TNFAIP8L3: variants seen among roughly 807,000 people sequenced by gnomAD.
TNFAIP8L3 encodes TNF alpha induced protein 8 like 3, also known as tumor necrosis factor alpha-induced protein 8-like protein 3.
A neutral mutation model predicts 11.8 loss-of-function variants in TNFAIP8L3; 7 were observed. The ratio of observed to expected loss-of-function variants is 0.59; its 90% confidence interval spans 0.34 to 1.11. The LOEUF is 1.11. Among genes scored for constraint, TNFAIP8L3 ranks in the 50% most tolerant of loss-of-function variants. TNFAIP8L3 has a pLI of 0.03. For missense variants in TNFAIP8L3, 219 were observed against 258.6 expected (o/e 0.85, Z 1.05); for synonymous variants, 98 against 103.8 (o/e 0.94, Z 0.34).
chr15:51,060,291 T>A (rs1189960375), intron 1 of TNFAIP8L3, among the ~76,000 whole-genome samples: 2 of 152,216 alleles, frequency 1.3e-5, no homozygotes, highest in African/African-American at 4.8e-5. Context: ...ATTCAGAAGA[T>A]TGCACTGTAT....
At chr15:51,059,084 G>T (rs1411954565) in intron 1 of TNFAIP8L3, among the ~76,000 whole-genome samples, 2 of 152,152 alleles carry the variant, frequency 1.3e-5, no homozygotes, top group African/African-American at 4.8e-5. Context: ...TCAGAGATTT[G>T]GGAGAAAGTC....
intron 1 of TNFAIP8L3, among the ~76,000 whole-genome samples, chr15:51,070,747 C>T (rs1410887631): frequency 6.6e-6 from 1 of 152,136 alleles, no homozygotes; most frequent in Non-Finnish European, 1.5e-5. Flanking sequence ...ATTTTTCCCT[C>T]ACAAGAATTA....
chr15:51,097,111 A>G (rs1042720908), upstream of TNFAIP8L3, among the ~76,000 whole-genome samples: 1 of 152,228 alleles, frequency 6.6e-6, no homozygotes, highest in African/African-American at 2.4e-5. Context: ...ATTCAATAAC[A>G]GGAAATGTGA....
intron 1 of TNFAIP8L3, chr15:51,069,427 T>C (rs1249559579): frequency 1.3e-5 from 2 of 152,212 alleles, no homozygotes; most frequent in East Asian, 1.9e-4. Flanking sequence ...ATGCCTTACA[T>C]TGAATAATTA....
intron 1 of TNFAIP8L3, among the ~76,000 whole-genome samples, chr15:51,084,077 T>G (rs1292523378): frequency 6.6e-6 from 1 of 151,866 alleles, no homozygotes; most frequent in African/African-American, 2.4e-5. Flanking sequence ...CATCACAGAG[T>G]GGTTTATTTT....
At chr15:51,066,725 C>T (rs941829277) in intron 1 of TNFAIP8L3, among the ~76,000 whole-genome samples, 1 of 152,124 alleles carries the variant, frequency 6.6e-6, no homozygotes, top group Non-Finnish European at 1.5e-5. Context: ...AAAATGCTTC[C>T]TCAAGAAGAC....
intron 1 of TNFAIP8L3, among the ~76,000 whole-genome samples, chr15:51,088,983 A>T (rs1384159045): frequency 6.6e-6 from 1 of 152,188 alleles, no homozygotes; most frequent in Non-Finnish European, 1.5e-5. Context: ...TCTCACCCCA[A>T]CTCAGAATAG....
At chr15:51,064,286 T>C (rs2065256829) in intron 1 of TNFAIP8L3, among the ~76,000 whole-genome samples, 1 of 152,184 alleles carries the variant, frequency 6.6e-6, no homozygotes, top group Non-Finnish European at 1.5e-5. Context: ...TCCTGTTAGA[T>C]GCTCCAGGAA....
chr15:51,098,467 G>T (rs1440328034), upstream of TNFAIP8L3, among the ~76,000 whole-genome samples: 1 of 152,146 alleles, frequency 6.6e-6, no homozygotes, highest in Non-Finnish European at 1.5e-5. Flanking sequence ...AGCTGAGGGG[G>T]CCTCCATGGG....
intron 1 of TNFAIP8L3, among the ~76,000 whole-genome samples, chr15:51,083,097 T>C (rs1228600272): frequency 6.6e-6 from 1 of 152,208 alleles, no homozygotes; most frequent in East Asian, 1.9e-4. Context: ...CTTCCTTTTC[T>C]AGAAGCCTCC....
At chr15:51,090,250 C>A (rs955576350) in intron 1 of TNFAIP8L3, among the ~76,000 whole-genome samples, 14 of 152,190 alleles carry the variant, frequency 9.2e-5, no homozygotes, top group African/African-American at 3.4e-4. Flanking sequence ...TACAATCTGT[C>A]ACCAACTTCT....
chr15:51,090,447 C>G (rs2065460379), intron 1 of TNFAIP8L3, among the ~76,000 whole-genome samples: 1 of 152,202 alleles, frequency 6.6e-6, no homozygotes, highest in Non-Finnish European at 1.5e-5. Context: ...CACATCTCTG[C>G]TCAAGAATCA....
chr15:51,100,688 A>C (rs568685410), intron 1 of TNFAIP8L3, among the ~76,000 whole-genome samples: 1 of 152,286 alleles, frequency 6.6e-6, no homozygotes, highest in African/African-American at 2.4e-5. Context: ...GATCTCCCCA[A>C]GGTGGGGGAA....
At chr15:51,073,777 C>T (rs949265214) in intron 1 of TNFAIP8L3, among the ~76,000 whole-genome samples, 9 of 152,134 alleles carry the variant, frequency 5.9e-5, no homozygotes, top group Non-Finnish European at 1.3e-4. Context: ...TAAAATTTCC[C>T]TGAGTATGCA....
intron 1 of TNFAIP8L3, among the ~76,000 whole-genome samples, chr15:51,073,218 A>T (rs1224807314): frequency 6.6e-6 from 1 of 151,238 alleles, no homozygotes; most frequent in African/African-American, 2.4e-5. Flanking sequence ...CTGGTCTCAA[A>T]CTCCCGACCT....
chr15:51,084,817 TC>T (rs1443300651), intron 1 of TNFAIP8L3, among the ~76,000 whole-genome samples: 6 of 152,182 alleles, frequency 3.9e-5, no homozygotes, highest in Non-Finnish European at 7.3e-5. Flanking sequence ...GCCTTTAGCT[TC>T]CCAAAAGCTT....
chr15:51,080,068 C>T (rs1250926638), intron 1 of TNFAIP8L3, among the ~76,000 whole-genome samples: 2 of 152,060 alleles, frequency 1.3e-5, no homozygotes, highest in Non-Finnish European at 2.9e-5. Context: ...ATTTTATTTG[C>T]TTTTAACTGT....
chr15:51,078,892 A>G (rs1460463227), intron 1 of TNFAIP8L3, among the ~76,000 whole-genome samples: 1 of 152,098 alleles, frequency 6.6e-6, no homozygotes, highest in African/African-American at 2.4e-5. Context: ...CTACCTCAGT[A>G]CAGACCCTCA....
intron 1 of TNFAIP8L3, among the ~76,000 whole-genome samples, chr15:51,078,041 G>A (rs1247267642): frequency 6.6e-6 from 1 of 152,128 alleles, no homozygotes; most frequent in East Asian, 1.9e-4. Context: ...TCACCGTGGC[G>A]TCCCTGACAT....
Sources: allele counts gnomAD v4.1 joint callset (sites outside exome capture counted in the v4.1 genomes callset), GRCh38; gene constraint gnomAD v4.1.1; transcripts MANE v1.5; gene names NCBI Gene and HGNC (gene_info 2026-07-23, HGNC 2026-07-21).